Variants in KLF12 observed in about 807,000 individuals in gnomAD.
KLF12 encodes Krueppel-like factor 12.
KLF12 carries 9 observed loss-of-function variants against 37.8 expected under a neutral mutation model. The observed-to-expected ratio is 0.24, with a 90% CI of 0.14 to 0.42. The LOEUF (loss-of-function observed/expected upper bound fraction) is 0.42. Ranked by LOEUF, KLF12 falls within the 10% of genes least tolerant of loss-of-function variation. KLF12 has a pLI of 1.00. For synonymous variants in KLF12, 208 were observed against 202.1 expected (o/e 1.03, Z -0.25); for missense variants, 411 against 516.0 (o/e 0.80, Z 1.97).
intron 1 of KLF12, among the ~76,000 whole-genome samples, chr13:74,075,786 C>T (rs1045424356): frequency 1.3e-5 from 2 of 152,198 alleles, no homozygotes; most frequent in East Asian, 3.9e-4. Context: ...ATAACAACAA[C>T]AAAAAGCCAT....
chr13:74,274,154 G>T, the KLF12 span, among the ~76,000 whole-genome samples: 404 of 152,066 alleles, frequency 2.7e-3, no homozygotes, highest in African/African-American at 9.2e-3. Flanking sequence ...AAATCTTCTG[G>T]TAAGGAAATA....
intron 1 of KLF12, among the ~76,000 whole-genome samples, chr13:74,102,423 C>T (rs555332433): frequency 4.6e-5 from 7 of 151,926 alleles, no homozygotes; most frequent in African/African-American, 1.7e-4. Flanking sequence ...ATTGGCTGGG[C>T]GCAGTGGCTC....
chr13:73,790,997 G>A (rs1395270421), intron 5 of KLF12, among the ~76,000 whole-genome samples: 1 of 152,000 alleles, frequency 6.6e-6, no homozygotes, highest in Admixed American at 6.5e-5. Flanking sequence ...TGACATTTTT[G>A]AGAAAAAGGG....
intron 1 of KLF12, among the ~76,000 whole-genome samples, chr13:74,006,698 A>G (rs1465491143): frequency 6.6e-6 from 1 of 152,210 alleles, no homozygotes; most frequent in East Asian, 1.9e-4. Context: ...AGAAGTCATC[A>G]GCAACCAGTT....
At chr13:74,144,175 C>T in the KLF12 span, among the ~76,000 whole-genome samples, 1 of 152,144 alleles carries the variant, frequency 6.6e-6, no homozygotes, top group African/African-American at 2.4e-5. Context: ...AGTGTGAATT[C>T]CCATTGCATA....
chr13:73,702,696 T>C (rs1276099952), intron 7 of KLF12, among the ~76,000 whole-genome samples: 73 of 152,298 alleles, frequency 4.8e-4, no homozygotes, highest in Non-Finnish European at 1.8e-4. Context: ...CCCCAGACAC[T>C]GACAAATGAG....
intron 3 of KLF12, among the ~76,000 whole-genome samples, chr13:73,849,785 C>A (rs1420656884): frequency 6.6e-6 from 1 of 152,166 alleles, no homozygotes; most frequent in Non-Finnish European, 1.5e-5. Context: ...ATGGCAGTGT[C>A]AACTAAGTGG....
chr13:73,875,134 A>G (rs1886643735), intron 3 of KLF12, among the ~76,000 whole-genome samples: 1 of 123,774 alleles, frequency 8.1e-6, no homozygotes. Context: ...TCAATACTAA[A>G]AAAAAAAGAA....
the KLF12 span, among the ~76,000 whole-genome samples, chr13:74,305,434 T>C: frequency 6.6e-6 from 1 of 152,116 alleles, no homozygotes; most frequent in Non-Finnish European, 1.5e-5. Context: ...ACATATTTAG[T>C]TGTTTTTTCC....
the KLF12 span, among the ~76,000 whole-genome samples, chr13:74,232,984 C>T: frequency 6.6e-6 from 1 of 152,266 alleles, no homozygotes; most frequent in African/African-American, 2.4e-5. Context: ...CTCCTGGGTT[C>T]AAGTGATTCT....
chr13:74,076,403 G>T (rs916956665), intron 1 of KLF12, among the ~76,000 whole-genome samples: 1 of 152,162 alleles, frequency 6.6e-6, no homozygotes, highest in Non-Finnish European at 1.5e-5. Context: ...TTGTCAGACA[G>T]GTGAGGGGTG....
intron 3 of KLF12, among the ~76,000 whole-genome samples, chr13:73,921,640 A>G (rs1174191649): frequency 6.6e-6 from 1 of 152,200 alleles, no homozygotes; most frequent in Non-Finnish European, 1.5e-5. Context: ...ATGTAATAAT[A>G]CATGTGTATA....
At chr13:74,171,307 C>T in the KLF12 span, among the ~76,000 whole-genome samples, 1 of 152,118 alleles carries the variant, frequency 6.6e-6, no homozygotes, top group Non-Finnish European at 1.5e-5. Flanking sequence ...CTTGAGGGTC[C>T]TTAAGCTCCT....
At chr13:74,168,067 G>A in the KLF12 span, among the ~76,000 whole-genome samples, 3 of 152,204 alleles carry the variant, frequency 2.0e-5, no homozygotes, top group Non-Finnish European at 4.4e-5. Context: ...AAAACAGCGT[G>A]CATCTTTCAT....
chr13:74,294,310 A>G, the KLF12 span, among the ~76,000 whole-genome samples: 3 of 152,280 alleles, frequency 2.0e-5, no homozygotes, highest in Non-Finnish European at 4.4e-5. Context: ...CCATTAAGTG[A>G]AGCACTGGTT....
Position 73,695,548 on chromosome 13 carries a change from C to T in KLF12, c.1151G>A (p.Arg384His), listed in dbSNP as rs1438715687. 13 of 1,614,076 alleles carry T rather than the reference C, an allele frequency of 8.1e-6. No individual in the cohort carries two copies. The highest frequency in any genetic ancestry group is 1.1e-5 in the Non-Finnish European group (13 of 1,179,974). ...CAAATGATCTGACCGGGAAAAGCTG[C>T]GATCACAGTCCGCGCACTTGAATGG... is the stretch of plus-strand genomic sequence containing the variant. The change falls in exon 8 of 8, where the codon CGC becomes CAC. Residue 384 changes from arginine to histidine, a missense_variant. Physicochemically the swap from Arg to His is conservative, Grantham distance 29. This residue lies in a region of KLF12 where 60 missense variants were observed against 118.2 expected (regional missense o/e 0.51). Transcript: ENST00000377669.
intron 5 of KLF12, among the ~76,000 whole-genome samples, chr13:73,799,779 G>A (rs577015573): frequency 6.6e-6 from 1 of 152,088 alleles, no homozygotes; most frequent in South Asian, 2.1e-4. Context: ...TTTAAAATTA[G>A]TTTTATATTT....
At chr13:74,044,188 C>T (rs971838810) in intron 1 of KLF12, among the ~76,000 whole-genome samples, 3 of 152,140 alleles carry the variant, frequency 2.0e-5, no homozygotes, top group Non-Finnish European at 4.4e-5. Context: ...AACAAGACCC[C>T]TACTCCACAC....
chr13:74,271,555 C>T, the KLF12 span, among the ~76,000 whole-genome samples: 3 of 152,144 alleles, frequency 2.0e-5, no homozygotes, highest in African/African-American at 7.2e-5. Flanking sequence ...TTAGTTTCTA[C>T]TCCAAAGGAA....
Sources: gnomAD v4.1 joint callset for allele counts (sites outside exome capture counted in the v4.1 genomes callset) on GRCh38, gnomAD v4.1.1 for gene constraint, gnomAD v4.1.1 regional missense constraint, MANE v1.5 for transcripts, NCBI Gene and HGNC (gene_info 2026-07-23, HGNC 2026-07-21) for gene names.